EYS: variants seen among roughly 807,000 people sequenced by gnomAD.
EYS encodes protein eyes shut homolog.
EYS carries 250 observed loss-of-function variants against 282.1 expected under a neutral mutation model. The ratio of observed to expected loss-of-function variants is 0.89; its 90% CI spans 0.80 to 0.98. EYS has a LOEUF of 0.98. Ranked by LOEUF, EYS falls within the 50% of genes least tolerant of loss-of-function variation. The pLI, the probability that EYS is intolerant of heterozygous loss-of-function variation, is 0.00. For synonymous variants in EYS, 1,355 were observed against 1,282.9 expected, an observed-to-expected ratio of 1.06 and a Z score of -1.20; for missense variants, 4,016 against 3,709.0, an observed-to-expected ratio of 1.08 and a Z score of -2.15.
chr6:64,463,940 C>G (rs1419945105), intron 26 of EYS, among the ~76,000 whole-genome samples: 2 of 152,178 alleles, frequency 1.3e-5, no homozygotes, highest in African/African-American at 4.8e-5. Context: ...TTGCGTGAAG[C>G]TAGCATTATC....
intron 29 of EYS, chr6:64,377,790 A>T (rs1772609052): frequency 6.6e-6 from 1 of 152,136 alleles, no homozygotes; most frequent in Non-Finnish European, 1.5e-5. Context: ...CTAATAAGCA[A>T]AGCAAGCGAG....
At chr6:63,961,049 C>T (rs940668623) in intron 35 of EYS, among the ~76,000 whole-genome samples, 11 of 152,176 alleles carry the variant, frequency 7.2e-5, no homozygotes, top group African/African-American at 2.4e-4. Flanking sequence ...TCTTAGTCTG[C>T]TCCTGCTGCT....
chr6:65,568,342 A>C (rs2127350327), intron 2 of EYS, among the ~76,000 whole-genome samples: 1 of 150,306 alleles, frequency 6.7e-6, no homozygotes, highest in African/African-American at 2.4e-5. Context: ...ATGGTATATA[A>C]GCTTCCTCAT....
intron 12 of EYS, among the ~76,000 whole-genome samples, chr6:65,234,386 A>T (rs2150270709): frequency 6.6e-6 from 1 of 152,330 alleles, no homozygotes; most frequent in Non-Finnish European, 1.5e-5. Flanking sequence ...GGCCACAGGC[A>T]ATCAAAGTCT....
intron 2 of EYS, among the ~76,000 whole-genome samples, chr6:65,498,765 T>C (rs1454629706): frequency 6.6e-6 from 1 of 151,960 alleles, no homozygotes; most frequent in Admixed American, 6.6e-5. Flanking sequence ...ATATAAACAT[T>C]ATAAATTTGA....
chr6:65,627,211 G>A (rs1016068112), intron 2 of EYS, among the ~76,000 whole-genome samples: 6 of 152,148 alleles, frequency 3.9e-5, no homozygotes, highest in African/African-American at 1.2e-4. Context: ...TTTGTATTAC[G>A]CAAGAGTGAA....
chr6:64,574,938 T>A (rs1293576853), intron 26 of EYS, among the ~76,000 whole-genome samples: 1 of 152,156 alleles, frequency 6.6e-6, no homozygotes, highest in Non-Finnish European at 1.5e-5. Context: ...AAATACAACT[T>A]TATTTCCTTC....
intron 9 of EYS, among the ~76,000 whole-genome samples, chr6:65,347,993 G>A (rs979143577): frequency 1.1e-4 from 17 of 151,418 alleles, no homozygotes; most frequent in South Asian, 1.0e-3. Context: ...GTCTTTCTGC[G>A]CCTGGCTTAT....
intron 1 of EYS, among the ~76,000 whole-genome samples, chr6:65,663,588 T>C (rs943032792): frequency 1.3e-5 from 2 of 152,232 alleles, no homozygotes; most frequent in Non-Finnish European, 2.9e-5. Context: ...GGCAGAAAGA[T>C]AGCTTTGAAA....
intron 16 of EYS, among the ~76,000 whole-genome samples, chr6:64,905,170 C>G (rs1185616294): frequency 6.6e-6 from 1 of 152,168 alleles, no homozygotes; most frequent in Non-Finnish European, 1.5e-5. Flanking sequence ...GTTCACACAA[C>G]AAAATTGCCT....
In EYS at chr6:65,461,566, G is replaced by T. The variant is rs111538203; in HGVS notation, c.862+29028C>A. Among the ~76,000 whole-genome samples, 888 of 152,042 alleles carry T rather than the reference G, an allele frequency of 5.8e-3. 11 individuals carry two copies. The highest frequency in any genetic ancestry group is 0.035 in the East Asian group (181 of 5,168). ...TGTTTCTGAAACATCTGCTGTGTAT[G>T]CCCCTCCCACGTAATCCTAAACCTA... On this transcript the variant is annotated intron_variant, in intron 5 of 42. Coordinates refer to ENST00000503581, the MANE Select transcript of EYS (RefSeq NM_001142800.2).
intron 31 of EYS, among the ~76,000 whole-genome samples, chr6:64,181,330 CTT>C (rs1205429722): frequency 4.6e-5 from 7 of 151,916 alleles, no homozygotes; most frequent in African/African-American, 7.2e-5. Flanking sequence ...GGTAAAGACT[CTT>C]TTAATACACT....
chr6:64,622,375 ACT>A (rs35758901), intron 23 of EYS, among the ~76,000 whole-genome samples: 16,573 of 152,090 alleles, frequency 0.11, 1,060 homozygotes, highest in East Asian at 0.16. Context: ...TATGATACAA[ACT>A]CTCTACTAGG....
chr6:65,571,126 C>T (rs2127352529), intron 2 of EYS, among the ~76,000 whole-genome samples: 1 of 152,024 alleles, frequency 6.6e-6, no homozygotes, highest in Non-Finnish European at 1.5e-5. Context: ...TCAGCTGGGG[C>T]ATTTGTAAAA....
intron 5 of EYS, among the ~76,000 whole-genome samples, chr6:65,449,332 G>A (rs1472911520): frequency 6.6e-6 from 1 of 152,114 alleles, no homozygotes; most frequent in Non-Finnish European, 1.5e-5. Flanking sequence ...TATAAGACAG[G>A]TGAAGAACTT....
intron 31 of EYS, among the ~76,000 whole-genome samples, chr6:64,203,011 A>G (rs1026020081): frequency 6.6e-6 from 1 of 152,224 alleles, no homozygotes; most frequent in Non-Finnish European, 1.5e-5. Context: ...TTGTTACAGT[A>G]GCCCTCAGAT....
chr6:65,319,270 C>T (rs939442166), intron 11 of EYS, among the ~76,000 whole-genome samples: 1 of 146,402 alleles, frequency 6.8e-6, no homozygotes, highest in Non-Finnish European at 1.5e-5. Flanking sequence ...ATCCCAGCTA[C>T]TTGGGAGGCG....
chr6:65,608,824 T>C (rs758432193), intron 2 of EYS, among the ~76,000 whole-genome samples: 3 of 152,038 alleles, frequency 2.0e-5, no homozygotes, highest in Non-Finnish European at 4.4e-5. Context: ...TATTAGTCTA[T>C]GCCTACAAAG....
intron 9 of EYS, among the ~76,000 whole-genome samples, chr6:65,349,214 C>T (rs754246110): frequency 6.6e-6 from 1 of 151,452 alleles, no homozygotes; most frequent in African/African-American, 2.4e-5. Flanking sequence ...ACTACCAATG[C>T]GGTGGTGCCA....
Sources: gnomAD v4.1 joint callset for allele counts (sites outside exome capture counted in the v4.1 genomes callset) on GRCh38, gnomAD v4.1.1 for gene constraint, MANE v1.5 for transcripts, NCBI Gene and HGNC (gene_info 2026-07-23, HGNC 2026-07-21) for gene names.